Variants in ANKS1B observed in about 807,000 individuals in gnomAD.
ANKS1B encodes ankyrin repeat and sterile alpha motif domain containing 1B.
ANKS1B carries 36 observed loss-of-function variants against 148.3 expected under a neutral mutation model. That is an observed-to-expected ratio of 0.24 (90% CI 0.19 to 0.32). The LOEUF (loss-of-function observed/expected upper bound fraction) is 0.32, where lower values mean the gene tolerates loss of function less well. Ranked by LOEUF, ANKS1B falls within the 10% of genes least tolerant of loss-of-function variation. The pLI is 1.00. For synonymous variants in ANKS1B, 542 were observed against 560.8 expected, an observed-to-expected ratio of 0.97 and a Z score of 0.47; for missense variants, 1,157 against 1,542.6, an observed-to-expected ratio of 0.75 and a Z score of 4.19.
At chr12:99,297,677 C>T (rs1455630479) in intron 12 of ANKS1B, among the ~76,000 whole-genome samples, 2 of 152,086 alleles carry the variant, frequency 1.3e-5, no homozygotes, top group Non-Finnish European at 2.9e-5. Context: ...TACTGTGGTC[C>T]TTACGTGGCC....
chr12:99,226,740 A>G (rs2086000101), intron 14 of ANKS1B, among the ~76,000 whole-genome samples: 1 of 152,226 alleles, frequency 6.6e-6, no homozygotes, highest in Non-Finnish European at 1.5e-5. Flanking sequence ...TAGAAGGTGA[A>G]CCAAAGGAAG....
chr12:98,821,750 G>T (rs1363243113), intron 19 of ANKS1B, among the ~76,000 whole-genome samples: 2 of 152,078 alleles, frequency 1.3e-5, no homozygotes, highest in Non-Finnish European at 2.9e-5. Context: ...TGGGATTACA[G>T]ACATCTGCCA....
intron 1 of ANKS1B, among the ~76,000 whole-genome samples, chr12:99,979,545 T>C (rs184963175): frequency 6.6e-6 from 1 of 152,138 alleles, no homozygotes; most frequent in Admixed American, 6.5e-5. Flanking sequence ...AACGAGACCA[T>C]AAGGGACAGT....
Position 98,929,819 on chromosome 12 carries a change from G to T in ANKS1B, c.2779-97683C>A, listed in dbSNP as rs148522729. Among the ~76,000 whole-genome samples the T allele has an allele frequency of 2.4e-3, 362 of 152,110 alleles. 4 individuals are homozygous for T. In the East Asian group the frequency reaches 0.046, roughly 19 times the overall value. On this transcript the variant is annotated intron_variant, in intron 17 of 26. Coordinates refer to ENST00000683438, the MANE Select transcript of ANKS1B (RefSeq NM_001352186.2). ...ATGAATCATAGGCCTAAATGAAAAT[G>T]CTAACACTATAAAACTCAGAAGAAA... is the stretch of plus-strand genomic sequence containing the variant.
chr12:99,015,227 A>G (rs1177560381), intron 17 of ANKS1B, among the ~76,000 whole-genome samples: 1 of 152,202 alleles, frequency 6.6e-6, no homozygotes. Context: ...CTTTGCAGGG[A>G]CATGGATGGA....
chr12:99,661,746 T>TA (rs1441871384), intron 8 of ANKS1B, among the ~76,000 whole-genome samples: 1 of 152,240 alleles, frequency 6.6e-6, no homozygotes, highest in African/African-American at 2.4e-5. Context: ...TGTATGGTAC[T>TA]AATACTCCAA....
intron 8 of ANKS1B, among the ~76,000 whole-genome samples, chr12:99,755,894 C>T (rs1194125452): frequency 6.6e-6 from 1 of 151,976 alleles, no homozygotes; most frequent in Non-Finnish European, 1.5e-5. Context: ...GATCATACCT[C>T]AAAATAATAA....
chr12:99,443,763 A>G lies in ANKS1B; in HGVS notation c.1485T>C (p.His495=), dbSNP rs548849352. 3.1e-6 allele frequency: 5 copies of G among 1,612,062 alleles called. No individual in the cohort carries two copies. In the Admixed American group the frequency reaches 6.7e-5, roughly 22 times the overall value. Residue 495 remains histidine (H), a synonymous_variant, in exon 11 of 27, where the codon CAT becomes CAC. Transcript: ENST00000683438. Reference sequence around the variant, plus strand: ...GTGTTGGGCCTGTTGAGCTGTTTCTATGGTTACTAGTTCCTGGAGTAGTAA... The same window carrying G: ...GTGTTGGGCCTGTTGAGCTGTTTCTGTGGTTACTAGTTCCTGGAGTAGTAA... ...VAVTTPGTSN[H]RNSSTGPTPD... is the part of the protein sequence containing the mutation.
intron 12 of ANKS1B, among the ~76,000 whole-genome samples, chr12:99,319,598 A>G (rs535189499): frequency 6.6e-6 from 1 of 152,280 alleles, no homozygotes; most frequent in East Asian, 1.9e-4. Context: ...TTTCCTGAAT[A>G]CAGCACACTG....
At chr12:99,047,413 A>C (rs1396231820) in intron 17 of ANKS1B, among the ~76,000 whole-genome samples, 1 of 152,204 alleles carries the variant, frequency 6.6e-6, no homozygotes, top group Non-Finnish European at 1.5e-5. Flanking sequence ...AAAACAAAAA[A>C]ATTTAAGAGA....
chr12:99,616,925 A>G (rs1273025102), intron 9 of ANKS1B, among the ~76,000 whole-genome samples: 3 of 152,212 alleles, frequency 2.0e-5, no homozygotes, highest in African/African-American at 7.2e-5. Context: ...ATCTACAAGA[A>G]CTTAAACAAA....
intron 15 of ANKS1B, among the ~76,000 whole-genome samples, chr12:99,131,557 G>A (rs145476639): frequency 1.6e-4 from 24 of 152,234 alleles, no homozygotes; most frequent in Admixed American, 9.2e-4. Flanking sequence ...ACAACCAACC[G>A]TTCCTGTAAA....
At chr12:99,230,482 A>G (rs1374383255) in intron 14 of ANKS1B, among the ~76,000 whole-genome samples, 1 of 152,150 alleles carries the variant, frequency 6.6e-6, no homozygotes, top group Non-Finnish European at 1.5e-5. Flanking sequence ...ACCATTTTTA[A>G]ACCATTGATA....
At chr12:98,873,993 A>G (rs1169614153) in intron 17 of ANKS1B, among the ~76,000 whole-genome samples, 1 of 152,202 alleles carries the variant, frequency 6.6e-6, no homozygotes, top group Non-Finnish European at 1.5e-5. Flanking sequence ...TGATGGAGTC[A>G]GGATGACTTG....
At chr12:99,581,963 A>T (rs961826493) in intron 9 of ANKS1B, among the ~76,000 whole-genome samples, 2 of 151,856 alleles carry the variant, frequency 1.3e-5, no homozygotes, top group Admixed American at 1.3e-4. Flanking sequence ...TTAAACATAC[A>T]TCTGATAAAA....
chr12:98,905,726 C>T (rs1409555401), intron 17 of ANKS1B, among the ~76,000 whole-genome samples: 3 of 151,860 alleles, frequency 2.0e-5, no homozygotes, highest in Non-Finnish European at 2.9e-5. Context: ...GAGCCAAGAT[C>T]GTACCATTGC....
At chr12:99,778,472 C>A (rs996098595) in intron 6 of ANKS1B, among the ~76,000 whole-genome samples, 6 of 146,194 alleles carry the variant, frequency 4.1e-5, no homozygotes, top group African/African-American at 1.5e-4. Context: ...TGCACCACTG[C>A]ACTCCAGCCT....
At chr12:99,541,471 G>GA (rs2097125609) in intron 9 of ANKS1B, among the ~76,000 whole-genome samples, 1 of 152,052 alleles carries the variant, frequency 6.6e-6, no homozygotes, top group African/African-American at 2.4e-5. Context: ...TTCAATATAT[G>GA]AAAAATCAAC....
intron 11 of ANKS1B, among the ~76,000 whole-genome samples, 168 bp from the exon 12 acceptor site, chr12:99,399,979 TTAAA>T (rs1425096019): frequency 6.6e-6 from 1 of 152,132 alleles, no homozygotes. Context: ...TCTTGATGAA[TTAAA>T]TAATAAAAAA....
Sources: gnomAD v4.1 joint callset for allele counts (sites outside exome capture counted in the v4.1 genomes callset) on GRCh38, gnomAD v4.1.1 for gene constraint, MANE v1.5 for transcripts, NCBI Gene and HGNC (gene_info 2026-07-23, HGNC 2026-07-21) for gene names.